CPEB1: variants seen among roughly 807,000 people sequenced by gnomAD.
The protein encoded by CPEB1 is cytoplasmic polyadenylation element binding protein 1.
A neutral mutation model predicts 65.8 loss-of-function variants in CPEB1; 7 were observed. The ratio of observed to expected loss-of-function variants is 0.11; its 90% CI spans 0.06 to 0.20. CPEB1 has a LOEUF of 0.20. Among genes scored for constraint, CPEB1 ranks in the 10% least tolerant of loss-of-function variants. CPEB1 has a pLI of 1.00. For missense variants in CPEB1, 551 were observed against 712.2 expected (o/e 0.77, Z 2.58); for synonymous variants, 262 against 260.0 (o/e 1.01, Z -0.08).
intron 3 of CPEB1, among the ~76,000 whole-genome samples, chr15:82,606,972 A>C (rs1338224460): frequency 6.6e-6 from 1 of 152,112 alleles, no homozygotes; most frequent in Non-Finnish European, 1.5e-5. Flanking sequence ...GTCTCTTTAA[A>C]AAAAACAAGA....
At chr15:82,607,772 C>A (rs750454022) in intron 3 of CPEB1, among the ~76,000 whole-genome samples, 5 of 151,814 alleles carry the variant, frequency 3.3e-5, no homozygotes, top group Admixed American at 3.3e-4. Flanking sequence ...GTTAATCTAT[C>A]AAAAAAAATT....
At chr15:82,580,462 A>C (rs2041171166) in intron 3 of CPEB1, among the ~76,000 whole-genome samples, 2 of 152,216 alleles carry the variant, frequency 1.3e-5, no homozygotes, top group Non-Finnish European at 2.9e-5. Flanking sequence ...TTATAATAAA[A>C]ATGTAGATAC....
intron 3 of CPEB1, among the ~76,000 whole-genome samples, chr15:82,599,962 T>C (rs762493439): frequency 2.6e-5 from 4 of 151,644 alleles, no homozygotes; most frequent in South Asian, 2.1e-4. Flanking sequence ...AATGAGAAAG[T>C]AGAATAAATA....
Position 82,627,239 on chromosome 15 carries a change from T to C in CPEB1, c.225A>G (p.Arg75=), listed in dbSNP as rs2045852470. 1 of 1,613,732 alleles carries C rather than the reference T, an allele frequency of 6.2e-7. No homozygotes were observed. Among genetic ancestry groups the C allele is most frequent in the Admixed American group, 1.7e-5 (1 of 59,988 alleles). ...AILDNSLDFS[R]VCTTPINRGI... is the part of the protein sequence containing the mutation. ...CTCGGTTTATAGGTGTAGTGCAGAC[T>C]CTACTGAAATCCAGAGAATTATCCA... Residue 75 remains arginine (R), a synonymous_variant, in exon 3 of 13, where the codon AGA becomes AGG. Coordinates refer to ENST00000684509, the MANE Select transcript of CPEB1 (RefSeq NM_001365242.1).
intron 3 of CPEB1, among the ~76,000 whole-genome samples, chr15:82,612,495 C>CAAA (rs371701761): frequency 1.9e-4 from 10 of 52,062 alleles, no homozygotes; most frequent in African/African-American, 6.1e-4. Flanking sequence ...AGAGTCTGTC[C>CAAA]AAAAAAAAAA....
intron 1 of CPEB1, among the ~76,000 whole-genome samples, chr15:82,637,085 G>C (rs144669339): frequency 6.6e-6 from 1 of 152,300 alleles, no homozygotes; most frequent in East Asian, 1.9e-4. Flanking sequence ...GCAGAAGAGG[G>C]AACTTGGAGT....
chr15:82,612,755 A>C (rs1156291232), intron 3 of CPEB1, among the ~76,000 whole-genome samples: 4 of 151,634 alleles, frequency 2.6e-5, no homozygotes, highest in East Asian at 3.9e-4. Context: ...AATCGCTTGA[A>C]CCTGGGGGGC....
chr15:82,642,120 C>CA (rs2047166053), intron 1 of CPEB1, among the ~76,000 whole-genome samples: 1 of 152,190 alleles, frequency 6.6e-6, no homozygotes, highest in African/African-American at 2.4e-5. Flanking sequence ...GTCCTATCTT[C>CA]AACATAAAAA....
chr15:82,624,997 C>T (rs2151308086), intron 3 of CPEB1, among the ~76,000 whole-genome samples: 1 of 152,196 alleles, frequency 6.6e-6, no homozygotes, highest in African/African-American at 2.4e-5. Context: ...CCACATCTGG[C>T]TAATTTTTCT....
chr15:82,548,207 C>T (rs1304884179), intron 10 of CPEB1, among the ~76,000 whole-genome samples: 1 of 151,964 alleles, frequency 6.6e-6, no homozygotes, highest in East Asian at 1.9e-4. Context: ...TGGTGGCGCA[C>T]ACCTGTAGTC....
chr15:82,616,654 T>C (rs1436365904), intron 3 of CPEB1, among the ~76,000 whole-genome samples: 1 of 151,934 alleles, frequency 6.6e-6, no homozygotes, highest in Admixed American at 6.6e-5. Flanking sequence ...GTGATTATCC[T>C]GCCTCAGCCT....
At chr15:82,631,469 C>T (rs2046239797) in intron 1 of CPEB1, among the ~76,000 whole-genome samples, 1 of 151,852 alleles carries the variant, frequency 6.6e-6, no homozygotes, top group African/African-American at 2.4e-5. Flanking sequence ...AACAGATCTA[C>T]TACTCTCCTT....
intron 3 of CPEB1, among the ~76,000 whole-genome samples, chr15:82,575,366 A>G (rs2040537752): frequency 6.6e-6 from 1 of 152,236 alleles, no homozygotes; most frequent in African/African-American, 2.4e-5. Context: ...AAGCCTCTCT[A>G]AGAACCTATC....
At position 82,569,071 on chromosome 15, in the gene CPEB1, G is replaced by A. The variant is rs139052964; in HGVS notation, c.460+2273C>T. Among the ~76,000 whole-genome samples the A allele has an allele frequency of 4.7e-3, 709 of 152,322 alleles. 2 individuals carry two copies. Among genetic ancestry groups the A allele is most frequent in the Non-Finnish European group, 4.9e-3 (333 of 68,022 alleles). Reference sequence around the variant, plus strand: ...CCGAAAATGCCCAGAGCTGTTGAAAGCCTCCTCCCTCACTGAAGCAACTGA... The same window carrying A: ...CCGAAAATGCCCAGAGCTGTTGAAAACCTCCTCCCTCACTGAAGCAACTGA... On this transcript the variant is annotated intron_variant, in intron 4 of 12. Transcript: ENST00000684509.
At chr15:82,586,177 ATTTG>A (rs1431403554) in intron 3 of CPEB1, among the ~76,000 whole-genome samples, 19 of 150,814 alleles carry the variant, frequency 1.3e-4, no homozygotes, top group Admixed American at 1.1e-3. Context: ...CCTTTCAGAT[ATTTG>A]TTAACCTCAT....
intron 1 of CPEB1, among the ~76,000 whole-genome samples, chr15:82,635,100 C>T (rs1002780497): frequency 6.6e-6 from 1 of 152,176 alleles, no homozygotes; most frequent in African/African-American, 2.4e-5. Flanking sequence ...GGTGATCCGC[C>T]CGCCTCAGCC....
chr15:82,575,925 T>C (rs372554092), intron 3 of CPEB1, among the ~76,000 whole-genome samples: 1 of 152,220 alleles, frequency 6.6e-6, no homozygotes, highest in Non-Finnish European at 1.5e-5. Flanking sequence ...GGTCTGCCCA[T>C]TTCTTACACA....
chr15:82,627,286 A>T lies in CPEB1; in HGVS notation c.178T>A (p.Phe60Ile). Residue 60 changes from phenylalanine (F) to isoleucine (I), a missense_variant, in exon 3 of 13, where the codon TTT becomes ATT. Coordinates refer to ENST00000684509, the MANE Select transcript of CPEB1 (RefSeq NM_001365242.1). ...TCCAATATGGCATTTATCCTTCGAA[A>T]GATATTGGCATTACTACACGTGGAG... ...ALSTCSNANIFRRINAILDNS... is the reference protein window; with the variant it reads ...ALSTCSNANIIRRINAILDNS... 2 of 1,613,784 alleles carry T rather than the reference A, an allele frequency of 1.2e-6. No homozygotes were observed. The highest frequency in any genetic ancestry group is 1.7e-6 in the Non-Finnish European group (2 of 1,179,704).
In CPEB1 at chr15:82,632,908, A is replaced by G. The variant is rs182369981; in HGVS notation, c.-97-4352T>C. On this transcript the variant is annotated intron_variant, in intron 1 of 12. Coordinates refer to ENST00000684509, the MANE Select transcript of CPEB1 (RefSeq NM_001365242.1). ...AAAACAGAAACCTACTATCCACCCC[A>G]TACTCACAGACCCATTTACTTTGTG... Among the ~76,000 whole-genome samples the G allele has an allele frequency of 3.4e-3, 522 of 152,244 alleles. 2 individuals are homozygous for G. Among genetic ancestry groups the G allele is most frequent in the Non-Finnish European group, 6.1e-3 (415 of 68,006 alleles).
Sources: gnomAD v4.1 joint callset for allele counts (sites outside exome capture counted in the v4.1 genomes callset) on GRCh38, gnomAD v4.1.1 for gene constraint, MANE v1.5 for transcripts, NCBI Gene and HGNC (gene_info 2026-07-23, HGNC 2026-07-21) for gene names.